Variants in APLF observed in about 807,000 individuals in gnomAD.
The protein encoded by APLF is aprataxin and PNKP like factor.
Under a neutral mutation model 55.6 loss-of-function variants are expected in APLF, and 61 were observed. The ratio of observed to expected loss-of-function variants is 1.10; its 90% CI spans 0.89 to 1.36. APLF has a LOEUF of 1.36. Among genes scored for constraint, APLF ranks in the 40% most tolerant of loss-of-function variants. The probability of loss-of-function intolerance (pLI) is 0.00; values close to 1 mark genes in which losing one functional copy is unlikely to be tolerated. For synonymous variants in APLF, 207 were observed against 214.8 expected, an observed-to-expected ratio of 0.96 and a Z score of 0.32; for missense variants, 611 against 602.5, an observed-to-expected ratio of 1.01 and a Z score of -0.15.
intron 8 of APLF, among the ~76,000 whole-genome samples, chr2:68,562,762 G>A (rs1158714694): frequency 6.6e-6 from 1 of 152,002 alleles, no homozygotes; most frequent in Non-Finnish European, 1.5e-5. Context: ...AGATTGAGCT[G>A]CTAATAATTG....
intron 6 of APLF, among the ~76,000 whole-genome samples, chr2:68,531,918 G>A (rs1218656735): frequency 6.6e-6 from 1 of 152,172 alleles, no homozygotes; most frequent in Non-Finnish European, 1.5e-5. Flanking sequence ...AACCAGGTCC[G>A]AGGAATGCCC....
At chr2:68,557,353 CA>C (rs1308926139) in intron 8 of APLF, among the ~76,000 whole-genome samples, 1 of 152,186 alleles carries the variant, frequency 6.6e-6, no homozygotes, top group African/African-American at 2.4e-5. Flanking sequence ...GACCTAACTA[CA>C]TTTTCAGTCT....
chr2:68,578,929 A>G lies in APLF; in HGVS notation c.*907A>G. The G allele has an allele frequency of 3.0e-6, 3 of 985,310 alleles. No individual in the cohort carries two copies. Among genetic ancestry groups the G allele is most frequent in the Non-Finnish European group, 3.6e-6 (3 of 829,838 alleles). 61.0% of individuals were successfully genotyped at this position (985,310 alleles called of 1,614,324 possible). A position where few individuals can be genotyped will look rare whatever the true frequency, so the allele number is the denominator to read the frequency against. On this transcript the variant is annotated 3_prime_UTR_variant, in exon 10 of 10. Coordinates refer to ENST00000303795, the MANE Select transcript of APLF (RefSeq NM_173545.3). Reference sequence around the variant, plus strand: ...CACTTATTCTCCAGTTTTACAAAGTATCTTTCTGTATTTCTGTTCTAAAAC... The same window carrying G: ...CACTTATTCTCCAGTTTTACAAAGTGTCTTTCTGTATTTCTGTTCTAAAAC...
chr2:68,505,694 AG>A (rs2103938801), intron 3 of APLF, among the ~76,000 whole-genome samples: 1 of 152,152 alleles, frequency 6.6e-6, no homozygotes, highest in African/African-American at 2.4e-5. Context: ...GAGGTCTGGA[AG>A]GATCCCCAGC....
chr2:68,527,402 T>G lies in APLF; in HGVS notation c.804+1160T>G, dbSNP rs572430853. Among the ~76,000 whole-genome samples, 216 of 148,704 alleles carry G rather than the reference T, an allele frequency of 1.5e-3. 2 individuals carry two copies. The highest frequency in any genetic ancestry group is 7.2e-3 in the Middle Eastern group (2 of 278). The stretch of plus-strand genomic sequence containing the variant: ...GTGGCTGGGCAAAGGTGCTCCTCAC[T>G]TTCCATACTGTGAGGCGGCCGGGCA... On this transcript the variant is annotated intron_variant, in intron 6 of 9. Coordinates refer to ENST00000303795, the MANE Select transcript of APLF (RefSeq NM_173545.3).
At chr2:68,568,279 A>G (rs1332851501) in intron 9 of APLF, 1 of 985,284 alleles carries the variant, frequency 1.0e-6, no homozygotes, top group Non-Finnish European at 1.2e-6. Context: ...GAATGAGAAA[A>G]TAAAATGCAT....
At chr2:68,575,607 T>G (rs1177324047) in intron 9 of APLF, among the ~76,000 whole-genome samples, 2 of 151,538 alleles carry the variant, frequency 1.3e-5, no homozygotes, top group Non-Finnish European at 2.9e-5. Context: ...AGTGGTGGAT[T>G]TACTTTGCAG....
In APLF at chr2:68,578,434, C is replaced by G; in HGVS notation, c.*412C>G. On this transcript the variant is annotated 3_prime_UTR_variant, in exon 10 of 10. Transcript: ENST00000303795. ...GAAAACATGCCTCTTTTCATTGTTA[C>G]TGAAGTAATTCTGTAAGCAGAACCA... 1.0e-6 allele frequency: 1 copy of G among 989,892 alleles called. No individual in the cohort carries two copies. The highest frequency in any genetic ancestry group is 1.2e-6 in the Non-Finnish European group (1 of 832,950). 61.3% of individuals were successfully genotyped at this position (989,892 alleles called of 1,614,324 possible).
At chr2:68,544,954 A>G (rs1670659052) in intron 7 of APLF, among the ~76,000 whole-genome samples, 1 of 152,206 alleles carries the variant, frequency 6.6e-6, no homozygotes, top group Non-Finnish European at 1.5e-5. Flanking sequence ...GGCTCATCAC[A>G]TGACACCAGA....
intron 7 of APLF, among the ~76,000 whole-genome samples, chr2:68,539,049 C>A (rs1670480604): frequency 6.6e-6 from 1 of 152,078 alleles, no homozygotes; most frequent in African/African-American, 2.4e-5. Flanking sequence ...TTAATATATT[C>A]TGTTAATTTC....
intron 6 of APLF, chr2:68,528,366 G>A: frequency 6.5e-7 from 1 of 1,533,272 alleles, no homozygotes; most frequent in Non-Finnish European, 8.7e-7. Flanking sequence ...TGGGAAGCCT[G>A]ACCCACCAAC....
intron 7 of APLF, among the ~76,000 whole-genome samples, chr2:68,540,716 G>A (rs1019328509): frequency 1.3e-4 from 20 of 151,890 alleles, no homozygotes; most frequent in Non-Finnish European, 2.8e-4. Flanking sequence ...CCTCAAAATC[G>A]CTCTGTAAGT....
chr2:68,490,846 G>A lies in APLF; in HGVS notation c.168+585G>A, dbSNP rs115882428. On this transcript the variant is annotated intron_variant, in intron 2 of 9. Coordinates refer to ENST00000303795, the MANE Select transcript of APLF (RefSeq NM_173545.3). ...ATGTGATTATTCCTTTTCATTTGCAGAGTCTATTGTGTAAGAGAATGAAAT... is the reference window on the plus strand; with the variant it reads ...ATGTGATTATTCCTTTTCATTTGCAAAGTCTATTGTGTAAGAGAATGAAAT... Among the ~76,000 whole-genome samples, 659 of 152,278 alleles carry A rather than the reference G, an allele frequency of 4.3e-3. 2 individuals carry two copies. Among genetic ancestry groups the A allele is most frequent in the African/African-American group, 0.015 (618 of 41,558 alleles).
chr2:68,487,135 A>C (rs1169246128), intron 1 of APLF, among the ~76,000 whole-genome samples: 1 of 152,162 alleles, frequency 6.6e-6, no homozygotes, highest in Non-Finnish European at 1.5e-5. Flanking sequence ...TAGGTATGCC[A>C]TTAGATAAGC....
chr2:68,509,034 C>G (rs1315668045), intron 3 of APLF, among the ~76,000 whole-genome samples: 1 of 152,032 alleles, frequency 6.6e-6, no homozygotes, highest in Non-Finnish European at 1.5e-5. Context: ...AAAGCTGAAA[C>G]TGGATCCCTT....
rs1676894207 is a variant in APLF, at chr2:68,507,166, TAGAC to T, written c.341+4264_341+4267del. ...GTATTTATATTCATAGATATGTAGA[TAGAC>T]TACATATATTCTCTATATATTTTTG... is the stretch of plus-strand genomic sequence containing the variant. On this transcript the variant is annotated intron_variant, in intron 3 of 9. Transcript: ENST00000303795. Among the ~76,000 whole-genome samples the T allele has an allele frequency of 4.6e-5, 7 of 151,996 alleles. No homozygotes were observed. In the South Asian group the frequency reaches 1.5e-3, roughly 31 times the overall value.
chr2:68,518,919 TATATC>T (rs1361962969), intron 5 of APLF, among the ~76,000 whole-genome samples: 2 of 125,078 alleles, frequency 1.6e-5, no homozygotes, highest in Admixed American at 9.0e-5. Context: ...AAAATAATAA[TATATC>T]ATTAATATTA....
intron 8 of APLF, among the ~76,000 whole-genome samples, chr2:68,558,648 T>C (rs1294380850): frequency 6.6e-6 from 1 of 152,230 alleles, no homozygotes; most frequent in Non-Finnish European, 1.5e-5. Flanking sequence ...AGCTTTTATT[T>C]TGATTTCTGG....
intron 6 of APLF, among the ~76,000 whole-genome samples, chr2:68,527,423 G>A (rs1294296760): frequency 7.3e-5 from 11 of 151,184 alleles, no homozygotes; most frequent in Admixed American, 5.3e-4. Flanking sequence ...TGAGGCGGCC[G>A]GGCAGAGGTG....
Sources: gnomAD v4.1 joint callset for allele counts (sites outside exome capture counted in the v4.1 genomes callset) on GRCh38, gnomAD v4.1.1 for gene constraint, MANE v1.5 for transcripts, NCBI Gene and HGNC (gene_info 2026-07-23, HGNC 2026-07-21) for gene names.